SYT9: variants seen among roughly 807,000 people sequenced by gnomAD.
SYT9 encodes synaptotagmin-9.
A neutral mutation model predicts 48.4 loss-of-function variants in SYT9; 22 were observed. That is an observed-to-expected ratio of 0.45 (90% confidence interval 0.32 to 0.65). The LOEUF (loss-of-function observed/expected upper bound fraction) is 0.65, where lower values mean the gene tolerates loss of function less well. Ranked by LOEUF, SYT9 falls within the 30% of genes least tolerant of loss-of-function variation. SYT9 has a pLI of 0.03. For synonymous variants in SYT9, 265 were observed against 245.0 expected (o/e 1.08, Z -0.76); for missense variants, 577 against 622.0 (o/e 0.93, Z 0.77).
At chr11:7,253,739 A>G (rs1589887709) in intron 1 of SYT9, among the ~76,000 whole-genome samples, 1 of 152,332 alleles carries the variant, frequency 6.6e-6, no homozygotes, top group African/African-American at 2.4e-5. Flanking sequence ...TGTCCAGCCT[A>G]TGTGCATCTC....
At chr11:7,399,275 T>C (rs183447804) in intron 3 of SYT9, among the ~76,000 whole-genome samples, 100 of 152,302 alleles carry the variant, frequency 6.6e-4, no homozygotes, top group African/African-American at 2.3e-3. Context: ...AGTTCTGTGC[T>C]GAAAATGATG....
chr11:7,366,128 G>A (rs1259346860), intron 3 of SYT9, among the ~76,000 whole-genome samples: 2 of 152,208 alleles, frequency 1.3e-5, no homozygotes, highest in African/African-American at 2.4e-5. Flanking sequence ...TTGCTGCTCA[G>A]TCATGAGGAC....
chr11:7,434,762 A>G (rs930235992), intron 6 of SYT9, among the ~76,000 whole-genome samples: 3 of 152,154 alleles, frequency 2.0e-5, no homozygotes, highest in African/African-American at 7.2e-5. Context: ...TTAAATTTGC[A>G]CTTTATCCTA....
chr11:7,406,568 A>ATATATG (rs1237372754), intron 3 of SYT9, among the ~76,000 whole-genome samples: 1 of 117,984 alleles, frequency 8.5e-6, no homozygotes, highest in African/African-American at 3.1e-5. Context: ...ATATATATAT[A>ATATATG]GCACATTTTC....
chr11:7,417,599 C>G (rs1847276086), intron 4 of SYT9, among the ~76,000 whole-genome samples: 1 of 152,188 alleles, frequency 6.6e-6, no homozygotes, highest in Non-Finnish European at 1.5e-5. Flanking sequence ...TGGCTCAGAG[C>G]TGGGGGGCCT....
intron 3 of SYT9, among the ~76,000 whole-genome samples, chr11:7,332,402 T>G (rs139821681): frequency 6.6e-6 from 1 of 152,336 alleles, no homozygotes; most frequent in East Asian, 1.9e-4. Context: ...CAGCCAATGC[T>G]CATAGCCGCT....
chr11:7,303,052 C>G lies in SYT9; in HGVS notation c.159C>G (p.Ser53Arg), dbSNP rs1409941125. ...GCTTCTTTGCAGATATCTCAGTGAG[C>G]CTGCTGACCCTTGTGGTCACTGCCT... ...PRLRDPDISV[S>R]LLTLVVTACG... The change falls in exon 2 of 7, where the codon AGC (serine) becomes AGG (arginine). Residue 53 changes from serine (S) to arginine (R), a missense_variant. Ser to Arg is a moderately radical substitution (Grantham distance 110). Coordinates refer to ENST00000318881, the MANE Select transcript of SYT9 (RefSeq NM_175733.4). The G allele has an allele frequency of 5.0e-6, 8 of 1,613,866 alleles. No individual in the cohort carries two copies. In the Admixed American group the frequency reaches 8.3e-5, roughly 17 times the overall value.
chr11:7,454,268 T>C, intron 6 of SYT9: 1 of 985,404 alleles, frequency 1.0e-6, no homozygotes, highest in African/African-American at 1.7e-5. Flanking sequence ...CATTTGTCTC[T>C]GCAGTGGCCT....
chr11:7,415,297 C>T (rs1847220998), intron 3 of SYT9, among the ~76,000 whole-genome samples: 1 of 152,148 alleles, frequency 6.6e-6, no homozygotes, highest in Admixed American at 6.5e-5. Flanking sequence ...GTGCCACTCT[C>T]AGGCTCATGC....
intron 3 of SYT9, among the ~76,000 whole-genome samples, chr11:7,392,061 A>G (rs921876869): frequency 1.3e-5 from 2 of 151,786 alleles, no homozygotes; most frequent in South Asian, 4.1e-4. Context: ...CTCATTCTGT[A>G]TGTTATTTAC....
At chr11:7,268,150 G>A (rs1325311787) in intron 1 of SYT9, among the ~76,000 whole-genome samples, 1 of 151,952 alleles carries the variant, frequency 6.6e-6, no homozygotes, top group Non-Finnish European at 1.5e-5. Flanking sequence ...ACCACAAATA[G>A]TCATTACAAA....
At chr11:7,261,804 T>C (rs1277666397) in intron 1 of SYT9, among the ~76,000 whole-genome samples, 1 of 152,016 alleles carries the variant, frequency 6.6e-6, no homozygotes, top group East Asian at 1.9e-4. Context: ...AGTATGACTG[T>C]AGTGAGGTTG....
chr11:7,343,722 C>T (rs1373003074), intron 3 of SYT9, among the ~76,000 whole-genome samples: 1 of 152,136 alleles, frequency 6.6e-6, no homozygotes, highest in Non-Finnish European at 1.5e-5. Context: ...ACTCCCAGTA[C>T]CAATTTACTG....
At chr11:7,407,380 T>TCA (rs1453648920) in intron 3 of SYT9, among the ~76,000 whole-genome samples, 7 of 68,364 alleles carry the variant, frequency 1.0e-4, no homozygotes, top group African/African-American at 9.6e-4. Context: ...TTTTTTTTTT[T>TCA]TTTTTTTTTT....
At chr11:7,424,349 G>A (rs895803940) in intron 6 of SYT9, among the ~76,000 whole-genome samples, 2 of 152,128 alleles carry the variant, frequency 1.3e-5, no homozygotes, top group Non-Finnish European at 2.9e-5. Context: ...CTTAGGAATC[G>A]GAGCACCCCC....
intron 6 of SYT9, among the ~76,000 whole-genome samples, chr11:7,425,148 G>A (rs1338280264): frequency 6.6e-6 from 1 of 152,186 alleles, no homozygotes; most frequent in African/African-American, 2.4e-5. Flanking sequence ...GAATGTATCT[G>A]ATTGCCCAAG....
chr11:7,452,920 T>C (rs1250909713), intron 6 of SYT9, among the ~76,000 whole-genome samples: 5 of 151,974 alleles, frequency 3.3e-5, no homozygotes, highest in Non-Finnish European at 1.5e-5. Context: ...GTAGCTGGGA[T>C]TACAGTCATG....
chr11:7,369,733 A>T (rs1479739149), intron 3 of SYT9, among the ~76,000 whole-genome samples: 2 of 149,234 alleles, frequency 1.3e-5, no homozygotes, highest in Non-Finnish European at 3.0e-5. Context: ...TTTTTTAAGG[A>T]TATATAGGCT....
intron 6 of SYT9, among the ~76,000 whole-genome samples, chr11:7,445,284 G>T (rs1339018271): frequency 1.3e-5 from 2 of 152,194 alleles, no homozygotes; most frequent in Non-Finnish European, 2.9e-5. Context: ...GCAGAAGGGA[G>T]AAATCAAATG....
Sources: gnomAD v4.1 joint callset for allele counts (sites outside exome capture counted in the v4.1 genomes callset) on GRCh38, gnomAD v4.1.1 for gene constraint, MANE v1.5 for transcripts, NCBI Gene and HGNC (gene_info 2026-07-23, HGNC 2026-07-21) for gene names.